The following CADM2 variants were observed in gnomAD, a reference collection of about 807,000 sequenced individuals.
The protein encoded by CADM2 is cell adhesion molecule 2.
A neutral mutation model predicts 49.8 loss-of-function variants in CADM2; 12 were observed. That is an observed-to-expected ratio of 0.24 (90% confidence interval 0.15 to 0.39). The LOEUF is 0.39. CADM2 is among the 10% of genes least tolerant of loss of function. The pLI is 1.00. For missense variants in CADM2, 378 were observed against 492.3 expected, an observed-to-expected ratio of 0.77 and a Z score of 2.20; for synonymous variants, 214 against 175.4, an observed-to-expected ratio of 1.22 and a Z score of -1.74.
At chr3:85,726,289 G>A (rs139860569) in intron 1 of CADM2, among the ~76,000 whole-genome samples, 94 of 152,016 alleles carry the variant, frequency 6.2e-4, no homozygotes, top group African/African-American at 2.2e-3. Context: ...GTAGTGTTTG[G>A]AATGTGTAGT....
intron 1 of CADM2, among the ~76,000 whole-genome samples, chr3:85,225,545 C>T (rs1276616593): frequency 6.6e-6 from 1 of 152,172 alleles, no homozygotes; most frequent in Non-Finnish European, 1.5e-5. Flanking sequence ...ATGTCATCTG[C>T]AGACAGTGAC....
intron 1 of CADM2, among the ~76,000 whole-genome samples, chr3:85,640,857 G>A (rs189593657): frequency 1.0e-5 from 1 of 98,298 alleles, no homozygotes; most frequent in Admixed American, 1.1e-4. Flanking sequence ...GATGACATTA[G>A]GTTATATTCT....
chr3:85,280,271 T>G (rs1333875743), intron 1 of CADM2, among the ~76,000 whole-genome samples: 1 of 151,756 alleles, frequency 6.6e-6, no homozygotes, highest in Non-Finnish European at 1.5e-5. Context: ...AAGGTCTTTA[T>G]TTCTCCTTCA....
chr3:85,712,763 T>A (rs183678879), intron 1 of CADM2, among the ~76,000 whole-genome samples: 93 of 152,282 alleles, frequency 6.1e-4, no homozygotes, highest in African/African-American at 2.1e-3. Context: ...ACTATTCATG[T>A]TTATTAACAC....
chr3:85,144,486 C>A (rs562784049), intron 1 of CADM2, among the ~76,000 whole-genome samples: 1 of 151,950 alleles, frequency 6.6e-6, no homozygotes, highest in South Asian at 2.1e-4. Context: ...GTGGCATATG[C>A]CTGTAATTCC....
chr3:85,824,111 A>G (rs60297480), intron 3 of CADM2, among the ~76,000 whole-genome samples: 7,780 of 152,232 alleles, frequency 0.051, 558 homozygotes, highest in African/African-American at 0.16. Context: ...TACTGGAGAA[A>G]TAGTGGATAG....
chr3:85,362,605 A>T (rs1362513572), intron 1 of CADM2, among the ~76,000 whole-genome samples: 1 of 152,224 alleles, frequency 6.6e-6, no homozygotes, highest in Non-Finnish European at 1.5e-5. Context: ...ACTTCTCTAT[A>T]CATTCACCTA....
At chr3:85,971,240 G>A (rs977233205) in intron 8 of CADM2, among the ~76,000 whole-genome samples, 14 of 151,474 alleles carry the variant, frequency 9.2e-5, no homozygotes, top group Non-Finnish European at 1.9e-4. Context: ...ATGTCCTGAC[G>A]TCATGTGCAA....
At chr3:85,807,499 C>CAAAAAAAAAAAAAAA (rs60644652) in intron 3 of CADM2, among the ~76,000 whole-genome samples, 1 of 82,244 alleles carries the variant, frequency 1.2e-5, no homozygotes, top group Non-Finnish European at 2.9e-5. Flanking sequence ...AACTCCGTCT[C>CAAAAAAAAAAAAAAA]AAAAAAAAAA....
At chr3:85,374,973 G>C (rs963714620) in intron 1 of CADM2, among the ~76,000 whole-genome samples, 1 of 151,798 alleles carries the variant, frequency 6.6e-6, no homozygotes, top group Non-Finnish European at 1.5e-5. Flanking sequence ...ACTTTTGATG[G>C]TTGCTCAGGA....
At chr3:85,371,833 T>G (rs2033263308) in intron 1 of CADM2, among the ~76,000 whole-genome samples, 1 of 151,140 alleles carries the variant, frequency 6.6e-6, no homozygotes. Context: ...GAGGGCTGAC[T>G]GCAGAATTTG....
At chr3:85,987,168 A>G (rs1044929941) in intron 8 of CADM2, among the ~76,000 whole-genome samples, 2 of 152,074 alleles carry the variant, frequency 1.3e-5, no homozygotes, top group African/African-American at 2.4e-5. Context: ...AATATCTGAG[A>G]AAACCTTGTA....
At chr3:85,146,120 C>T (rs909459138) in intron 1 of CADM2, among the ~76,000 whole-genome samples, 9 of 152,102 alleles carry the variant, frequency 5.9e-5, no homozygotes, top group South Asian at 2.1e-4. Context: ...AGGATTGCTG[C>T]GAGTTAATAT....
At chr3:85,915,074 T>C (rs1718104270) in intron 6 of CADM2, among the ~76,000 whole-genome samples, 2 of 152,140 alleles carry the variant, frequency 1.3e-5, no homozygotes, top group African/African-American at 4.8e-5. Flanking sequence ...GAAAATTGTT[T>C]GTTGAGAATA....
chr3:85,202,481 T>G (rs570361003), intron 1 of CADM2, among the ~76,000 whole-genome samples: 1 of 152,244 alleles, frequency 6.6e-6, no homozygotes, highest in African/African-American at 2.4e-5. Context: ...TGAGAAGAAA[T>G]ATTTTTTTCT....
intron 3 of CADM2, among the ~76,000 whole-genome samples, chr3:85,814,430 A>G (rs532820024): frequency 9.9e-5 from 15 of 152,270 alleles, no homozygotes; most frequent in Admixed American, 7.2e-4. Flanking sequence ...AAAGATCTAA[A>G]ATTGACACCC....
intron 1 of CADM2, among the ~76,000 whole-genome samples, chr3:85,095,915 C>G (rs2037776952): frequency 1.3e-5 from 2 of 152,026 alleles, no homozygotes. Context: ...CTTACTTACT[C>G]TGCTTGTGAT....
At chr3:85,199,222 G>T in intron 1 of CADM2, among the ~76,000 whole-genome samples, 1 of 151,928 alleles carries the variant, frequency 6.6e-6, no homozygotes, top group East Asian at 1.9e-4. Flanking sequence ...GGTGAGAATA[G>T]CTATTTGTAT....
chr3:85,956,912 G>A (rs1724132909), intron 7 of CADM2, among the ~76,000 whole-genome samples: 1 of 151,526 alleles, frequency 6.6e-6, no homozygotes, highest in Non-Finnish European at 1.5e-5. Flanking sequence ...AATTTTCTCT[G>A]TATGTTTAAA....
Sources: gnomAD v4.1 joint callset for allele counts (sites outside exome capture counted in the v4.1 genomes callset) on GRCh38, gnomAD v4.1.1 for gene constraint, MANE v1.5 for transcripts, NCBI Gene and HGNC (gene_info 2026-07-23, HGNC 2026-07-21) for gene names.